Variants in KCNJ16 observed in about 807,000 individuals in gnomAD.
The protein encoded by KCNJ16 is potassium inwardly rectifying channel subfamily J member 16.
KCNJ16 carries 15 observed loss-of-function variants against 18.5 expected under a neutral mutation model. The ratio of observed to expected loss-of-function variants is 0.81; its 90% CI spans 0.54 to 1.25. The LOEUF (loss-of-function observed/expected upper bound fraction) is 1.25, where lower values mean the gene tolerates loss of function less well. Among genes scored for constraint, KCNJ16 ranks in the 50% most tolerant of loss-of-function variants. The pLI, the probability that KCNJ16 is intolerant of heterozygous loss-of-function variation, is 0.00. For synonymous variants in KCNJ16, 174 were observed against 186.5 expected (o/e 0.93, Z 0.55); for missense variants, 523 against 525.7 (o/e 0.99, Z 0.05).
chr17:70,106,808 C>T (rs1465230591), intron 2 of KCNJ16, among the ~76,000 whole-genome samples: 1 of 152,136 alleles, frequency 6.6e-6, no homozygotes, highest in African/African-American at 2.4e-5. Context: ...GATGGGCTGG[C>T]ATGAGGAGTC....
At chr17:70,128,556 A>G (rs929211318) in intron 2 of KCNJ16, 3 of 152,156 alleles carry the variant, frequency 2.0e-5, no homozygotes, top group African/African-American at 7.2e-5. Context: ...AGCCTCATCT[A>G]TAAAAGAACT....
intron 2 of KCNJ16, among the ~76,000 whole-genome samples, chr17:70,124,719 T>C (rs559139545): frequency 2.6e-5 from 4 of 152,342 alleles, no homozygotes; most frequent in African/African-American, 7.2e-5. Flanking sequence ...TAGTAAAACA[T>C]GTACACACAA....
chr17:70,100,020 G>C (rs1282672245), intron 1 of KCNJ16, among the ~76,000 whole-genome samples: 1 of 152,118 alleles, frequency 6.6e-6, no homozygotes, highest in Non-Finnish European at 1.5e-5. Flanking sequence ...TCTACAGGAG[G>C]AAAGTCCGTT....
At chr17:70,127,099 A>C (rs1441062016) in intron 2 of KCNJ16, among the ~76,000 whole-genome samples, 2 of 152,198 alleles carry the variant, frequency 1.3e-5, no homozygotes, top group African/African-American at 4.8e-5. Context: ...AGGAGGATAA[A>C]TTGTAAAGTT....
Position 70,132,591 on chromosome 17 carries a change from C to T in KCNJ16, c.504C>T (p.Ala168=), listed in dbSNP as rs1567810054. The change falls in exon 4 of 4, where the codon GCC becomes GCT. Residue 168 remains alanine, a synonymous_variant. Coordinates refer to ENST00000392671, the MANE Select transcript of KCNJ16 (RefSeq NM_170741.4). ...TAAATACCTTTATCATTGGAGCTGC[C>T]TTGGCCAAAATGGCAACTGCTCGAA... is the stretch of plus-strand genomic sequence containing the variant. ...CIINTFIIGA[A]LAKMATARKR... is the part of the protein sequence containing the mutation. The T allele has an allele frequency of 1.2e-6, 2 of 1,614,210 alleles. No homozygotes were observed. The highest frequency in any genetic ancestry group is 2.2e-5 in the South Asian group (2 of 91,084).
At chr17:70,113,448 G>A (rs1385433896) in intron 2 of KCNJ16, among the ~76,000 whole-genome samples, 1 of 152,176 alleles carries the variant, frequency 6.6e-6, no homozygotes, top group Non-Finnish European at 1.5e-5. Context: ...TTCAGATATA[G>A]TTGAATGTTG....
intron 1 of KCNJ16, among the ~76,000 whole-genome samples, chr17:70,095,441 A>G (rs1218227667): frequency 6.6e-6 from 1 of 152,104 alleles, no homozygotes; most frequent in Non-Finnish European, 1.5e-5. Context: ...TGCTCCTCAA[A>G]CCATTTATAG....
chr17:70,126,800 T>C (rs1351124089), intron 2 of KCNJ16, among the ~76,000 whole-genome samples: 1 of 152,232 alleles, frequency 6.6e-6, no homozygotes, highest in Non-Finnish European at 1.5e-5. Context: ...TAATTTATAT[T>C]GTTTTGGTGC....
chr17:70,121,157 T>C (rs2073622491), intron 2 of KCNJ16, among the ~76,000 whole-genome samples: 1 of 152,124 alleles, frequency 6.6e-6, no homozygotes. Flanking sequence ...GGGGTATCAA[T>C]GACAATTAAG....
chr17:70,116,052 T>A (rs572629700), intron 2 of KCNJ16, among the ~76,000 whole-genome samples: 1 of 152,276 alleles, frequency 6.6e-6, no homozygotes, highest in African/African-American at 2.4e-5. Context: ...AAGTCATGCA[T>A]GTTTACTGTT....
chr17:70,134,516 A>G lies in KCNJ16; in HGVS notation c.*1172A>G, dbSNP rs1301593669. The G allele has an allele frequency of 1.2e-5, 2 of 166,930 alleles. No homozygotes were observed. The highest frequency in any genetic ancestry group is 1.5e-5 in the Non-Finnish European group (1 of 68,110). 10.3% of individuals were successfully genotyped at this position (166,930 alleles called of 1,614,324 possible). A position where few individuals can be genotyped will look rare whatever the true frequency, so the allele number is the denominator to read the frequency against. On this transcript the variant is annotated 3_prime_UTR_variant, in exon 4 of 4. Coordinates refer to ENST00000392671, the MANE Select transcript of KCNJ16 (RefSeq NM_170741.4). ...CACAGTAAGTGGATAATCTGAGTAC[A>G]ATGAAATTTCTTAAGTTTTAGAACA...
chr17:70,107,600 A>G (rs910238380), intron 2 of KCNJ16, among the ~76,000 whole-genome samples: 4 of 152,300 alleles, frequency 2.6e-5, no homozygotes, highest in African/African-American at 7.2e-5. Context: ...TAAGAAGTCA[A>G]TGCAATGAGC....
intron 1 of KCNJ16, among the ~76,000 whole-genome samples, chr17:70,097,342 A>G (rs543455842): frequency 1.3e-5 from 2 of 151,150 alleles, no homozygotes; most frequent in Non-Finnish European, 3.0e-5. Flanking sequence ...TTTTTGTTAG[A>G]AAGGCCATTT....
In KCNJ16 at chr17:70,102,472, C is replaced by T. The variant is rs184277143; in HGVS notation, c.-191+1706C>T. On this transcript the variant is annotated intron_variant, in intron 2 of 3. Transcript: ENST00000392671. Reference sequence around the variant, plus strand: ...CCAACTCCTGACCTCGTGATCTGCCCGCCTCAGCCTCCCAAAGAGCTAGGA... The same window carrying T: ...CCAACTCCTGACCTCGTGATCTGCCTGCCTCAGCCTCCCAAAGAGCTAGGA... 3.0e-3 allele frequency among the ~76,000 whole-genome samples: 459 copies of T among 151,920 alleles called. 1 individual carries two copies. Among genetic ancestry groups the T allele is most frequent in the African/African-American group, 0.011 (437 of 41,434 alleles).
At position 70,132,358 on chromosome 17, in the gene KCNJ16, G is replaced by C; in HGVS notation, c.271G>C (p.Val91Leu). ...TCTCTCGTGGTTGATATTTGGCTCT[G>C]TCTTTTGGCTCATAGCCTTTCATCA... ...YILSWLIFGSVFWLIAFHHGD... is the reference protein window; with the variant it reads ...YILSWLIFGSLFWLIAFHHGD... Residue 91 changes from valine (V) to leucine (L), a missense_variant, in exon 4 of 4, where the codon GTC becomes CTC. By Grantham distance (32) the Val-to-Leu change is conservative (BLOSUM62 1). Coordinates refer to ENST00000392671, the MANE Select transcript of KCNJ16 (RefSeq NM_170741.4). 6.2e-7 allele frequency: 1 copy of C among 1,614,186 alleles called. No individual in the cohort carries two copies. Among genetic ancestry groups the C allele is most frequent in the Admixed American group, 1.7e-5 (1 of 60,018 alleles).
chr17:70,101,705 G>A (rs1408641700), intron 2 of KCNJ16: 4 of 152,074 alleles, frequency 2.6e-5, no homozygotes, highest in African/African-American at 4.8e-5. Context: ...TCAGCTTCCC[G>A]AGTAGCTGGG....
chr17:70,086,411 C>A (rs148356693), intron 1 of KCNJ16, among the ~76,000 whole-genome samples: 23 of 152,052 alleles, frequency 1.5e-4, no homozygotes, highest in African/African-American at 4.8e-4. Context: ...GAGGTGAGCA[C>A]AAGAAAAGTG....
At position 70,133,079 on chromosome 17, in the gene KCNJ16, G is replaced by C; in HGVS notation, c.992G>C (p.Ser331Thr). Reference sequence around the variant, plus strand: ...GTGAACTGCTTACAGTTTGAAGGAAGTGTGGAAGTATATGCCCCCTTTTGC... The same window carrying C: ...GTGAACTGCTTACAGTTTGAAGGAACTGTGGAAGTATATGCCCCCTTTTGC... ...YKVNCLQFEG[S>T]VEVYAPFCSA... Residue 331 changes from serine (S) to threonine (T), a missense_variant, in exon 4 of 4, where the codon AGT (serine) becomes ACT (threonine). Physicochemically the swap from Ser to Thr is moderately conservative, Grantham distance 58 (BLOSUM62 1). Transcript: ENST00000392671. 6 of 1,614,186 alleles carry C rather than the reference G, an allele frequency of 3.7e-6. No individual in the cohort carries two copies. The highest frequency in any genetic ancestry group is 4.2e-6 in the Non-Finnish European group (5 of 1,180,032).
intron 2 of KCNJ16, among the ~76,000 whole-genome samples, chr17:70,121,012 TG>T (rs1356944741): frequency 6.6e-6 from 1 of 151,922 alleles, no homozygotes; most frequent in Non-Finnish European, 1.5e-5. Flanking sequence ...ATAAATGATT[TG>T]GGGGAAAGAT....
Sources: gnomAD v4.1 joint callset for allele counts (sites outside exome capture counted in the v4.1 genomes callset) on GRCh38, gnomAD v4.1.1 for gene constraint, MANE v1.5 for transcripts, NCBI Gene and HGNC (gene_info 2026-07-23, HGNC 2026-07-21) for gene names.